The following DPP10 variants were observed in gnomAD, a reference collection of about 807,000 sequenced individuals.
DPP10 encodes inactive dipeptidyl peptidase 10.
DPP10 carries 33 observed loss-of-function variants against 120.9 expected under a neutral mutation model. That is an observed-to-expected ratio of 0.27 (90% confidence interval 0.21 to 0.37). DPP10 has a LOEUF of 0.37. DPP10 is among the 10% of genes least tolerant of loss of function. The pLI is 1.00. For synonymous variants in DPP10, 337 were observed against 326.1 expected (o/e 1.03, Z -0.36); for missense variants, 816 against 942.8 (o/e 0.87, Z 1.76).
chr2:115,252,528 T>A (rs1482047598), intron 1 of DPP10, among the ~76,000 whole-genome samples: 1 of 152,210 alleles, frequency 6.6e-6, no homozygotes, highest in Non-Finnish European at 1.5e-5. Context: ...GTTTGTTAAC[T>A]CTATTCTGAT....
At chr2:114,753,003 T>C (rs1159600349) in intron 1 of DPP10, among the ~76,000 whole-genome samples, 1 of 151,962 alleles carries the variant, frequency 6.6e-6, no homozygotes, top group Non-Finnish European at 1.5e-5. Context: ...CCATGGAAAA[T>C]GTAAGACATG....
At chr2:115,743,217 C>T (rs1416019844) in intron 9 of DPP10, among the ~76,000 whole-genome samples, 2 of 151,922 alleles carry the variant, frequency 1.3e-5, no homozygotes, top group Non-Finnish European at 2.9e-5. Flanking sequence ...AATGAACTTG[C>T]GATGTGTGCT....
chr2:114,711,434 C>T (rs550367361), intron 1 of DPP10, among the ~76,000 whole-genome samples: 1 of 152,160 alleles, frequency 6.6e-6, no homozygotes, highest in Admixed American at 6.5e-5. Flanking sequence ...GCCTGGGTTA[C>T]AATGGGTGGC....
chr2:114,520,675 C>A (rs987537704), intron 1 of DPP10, among the ~76,000 whole-genome samples: 1 of 152,184 alleles, frequency 6.6e-6, no homozygotes, highest in African/African-American at 2.4e-5. Flanking sequence ...TTCTCCATGA[C>A]AGCATGCCTA....
intron 1 of DPP10, among the ~76,000 whole-genome samples, chr2:114,448,502 G>A (rs990154622): frequency 6.6e-6 from 1 of 152,244 alleles, no homozygotes; most frequent in East Asian, 1.9e-4. Flanking sequence ...CCCTAGACCA[G>A]CAGTATCAGC....
At chr2:115,619,849 A>G (rs1460315981) in intron 5 of DPP10, among the ~76,000 whole-genome samples, 1 of 152,166 alleles carries the variant, frequency 6.6e-6, no homozygotes, top group Non-Finnish European at 1.5e-5. Context: ...GGCACCTGAG[A>G]GTTGCTTATT....
chr2:115,470,582 G>A (rs2074645354), intron 3 of DPP10, among the ~76,000 whole-genome samples: 1 of 152,156 alleles, frequency 6.6e-6, no homozygotes, highest in Non-Finnish European at 1.5e-5. Flanking sequence ...GAAGAGAAAC[G>A]ATTGGAATGT....
intron 1 of DPP10, among the ~76,000 whole-genome samples, chr2:114,561,347 T>C (rs544459367): frequency 5.3e-5 from 8 of 152,288 alleles, no homozygotes; most frequent in African/African-American, 1.9e-4. Context: ...TCAAGTTTTA[T>C]GTTATTATCC....
chr2:114,828,533 G>A (rs1686770238), intron 1 of DPP10: 1 of 152,156 alleles, frequency 6.6e-6, no homozygotes, highest in Admixed American at 6.5e-5. Context: ...TAGTTTAGAT[G>A]GAGGTAACTT....
chr2:114,961,940 T>C (rs11123263), intron 1 of DPP10, among the ~76,000 whole-genome samples: 103,221 of 151,906 alleles, frequency 0.68, 35,164 homozygotes, highest in Non-Finnish European at 0.71. Flanking sequence ...GGCAACAGAG[T>C]TAGACTCCAT....
chr2:114,645,556 T>C (rs1573872954), intron 1 of DPP10, among the ~76,000 whole-genome samples: 1 of 152,344 alleles, frequency 6.6e-6, no homozygotes, highest in East Asian at 1.9e-4. Context: ...TGTTTCCAGA[T>C]CAATTTTGAA....
At chr2:115,029,349 G>A (rs1703685733) in intron 1 of DPP10, among the ~76,000 whole-genome samples, 1 of 151,760 alleles carries the variant, frequency 6.6e-6, no homozygotes, top group African/African-American at 2.4e-5. Context: ...AGTTACAAGT[G>A]GATTGCTCAT....
chr2:114,704,055 A>G (rs1022080501), intron 1 of DPP10, among the ~76,000 whole-genome samples: 1 of 152,010 alleles, frequency 6.6e-6, no homozygotes, highest in African/African-American at 2.4e-5. Context: ...TGTGCTAGGG[A>G]TCATCAGGGC....
At chr2:114,926,115 C>T (rs1695601429) in intron 1 of DPP10, among the ~76,000 whole-genome samples, 1 of 152,160 alleles carries the variant, frequency 6.6e-6, no homozygotes. Flanking sequence ...AGGCAGAAAG[C>T]TCAGGAATAA....
rs1227602121 is a variant in DPP10, at chr2:114,818,033, C to G, written c.60+375195C>G. On this transcript the variant is annotated intron_variant, in intron 1 of 25. Coordinates refer to ENST00000410059, the MANE Select transcript of DPP10 (RefSeq NM_020868.6). Reference sequence around the variant, plus strand: ...GCCTGTTGCCTGGGGAAGAAACATTCCGAACTAAGGATAATCTTTTGCCTG... The same window carrying G: ...GCCTGTTGCCTGGGGAAGAAACATTGCGAACTAAGGATAATCTTTTGCCTG... Among the ~76,000 whole-genome samples, 3 of 151,918 alleles carry G rather than the reference C, an allele frequency of 2.0e-5. No individual in the cohort carries two copies. The East Asian group carries it at 5.8e-4, about 29-fold the overall frequency.
chr2:115,678,605 G>A (rs989155671), intron 5 of DPP10, among the ~76,000 whole-genome samples: 8 of 152,210 alleles, frequency 5.3e-5, no homozygotes, highest in Admixed American at 1.3e-4. Context: ...CAATGCAGAA[G>A]GAAAATGTAG....
At chr2:115,269,564 T>C (rs2059603633) in intron 1 of DPP10, among the ~76,000 whole-genome samples, 1 of 152,274 alleles carries the variant, frequency 6.6e-6, no homozygotes. Context: ...TTTTCTGCTG[T>C]CTGTGGGCCA....
intron 1 of DPP10, among the ~76,000 whole-genome samples, chr2:114,983,822 T>A (rs1700235853): frequency 6.6e-6 from 1 of 152,212 alleles, no homozygotes; most frequent in South Asian, 2.1e-4. Context: ...TTGATCCCCT[T>A]ATCATCCCCA....
chr2:115,510,722 A>C (rs1341258827), intron 4 of DPP10, among the ~76,000 whole-genome samples: 2 of 152,300 alleles, frequency 1.3e-5, no homozygotes, highest in African/African-American at 4.8e-5. Context: ...TTGCTTATGT[A>C]GATCAATTTG....
Sources: gnomAD v4.1 joint callset for allele counts (sites outside exome capture counted in the v4.1 genomes callset) on GRCh38, gnomAD v4.1.1 for gene constraint, MANE v1.5 for transcripts, NCBI Gene and HGNC (gene_info 2026-07-23, HGNC 2026-07-21) for gene names.